The following ARHGEF28 variants were observed in gnomAD, a reference collection of about 807,000 sequenced individuals.
ARHGEF28 encodes the protein 190 kDa guanine nucleotide exchange factor.
Under a neutral mutation model 206.6 loss-of-function variants are expected in ARHGEF28, and 152 were observed. The ratio of observed to expected loss-of-function variants is 0.74; its 90% CI spans 0.64 to 0.84. The LOEUF (loss-of-function observed/expected upper bound fraction) is 0.84, where lower values mean the gene tolerates loss of function less well. Among genes scored for constraint, ARHGEF28 ranks in the 40% least tolerant of loss-of-function variants. The probability of loss-of-function intolerance (pLI) is 0.00; values close to 1 mark genes in which losing one functional copy is unlikely to be tolerated. For synonymous variants in ARHGEF28, 763 were observed against 776.4 expected, an observed-to-expected ratio of 0.98 and a Z score of 0.29; for missense variants, 2,028 against 2,073.2, an observed-to-expected ratio of 0.98 and a Z score of 0.42.
At chr5:73,802,895 TG>T (rs1755226899) in intron 9 of ARHGEF28, among the ~76,000 whole-genome samples, 2 of 150,946 alleles carry the variant, frequency 1.3e-5, no homozygotes, top group Admixed American at 1.3e-4. Flanking sequence ...TGTGTGTGTG[TG>T]TGTGTGTGTG....
intron 2 of ARHGEF28, among the ~76,000 whole-genome samples, chr5:73,697,861 C>T (rs1748322741): frequency 6.6e-6 from 1 of 152,142 alleles, no homozygotes; most frequent in African/African-American, 2.4e-5. Flanking sequence ...CATCGTTTGG[C>T]AGTGGAGATG....
chr5:73,715,945 G>C (rs997435833), intron 2 of ARHGEF28, among the ~76,000 whole-genome samples: 3 of 152,196 alleles, frequency 2.0e-5, no homozygotes, highest in African/African-American at 7.2e-5. Flanking sequence ...ACTTACACGG[G>C]TATCAGCTAC....
In ARHGEF28 at chr5:73,868,083, C is replaced by T. The variant is rs1759827097; in HGVS notation, c.2298-17C>T. The stretch of plus-strand genomic sequence containing the variant: ...AGAGCTTCTGGGGCTAACTTTGCTC[C>T]CCTCCCTCTCTCCTAGCTTCAGGAG... On this transcript the variant is annotated splice_polypyrimidine_tract_variant and intron_variant, in intron 19 of 35. Transcript: ENST00000513042. The T allele has an allele frequency of 6.2e-7, 1 of 1,612,640 alleles. No individual in the cohort carries two copies. Among genetic ancestry groups the T allele is most frequent in the South Asian group, 1.1e-5 (1 of 90,798 alleles).
intron 27 of ARHGEF28, among the ~76,000 whole-genome samples, chr5:73,892,497 C>A (rs930804227): frequency 2.0e-5 from 3 of 152,192 alleles, no homozygotes; most frequent in African/African-American, 7.2e-5. Flanking sequence ...CCCCTTCAGT[C>A]CTGGTGATCT....
At chr5:73,776,136 A>G (rs1753527167) in intron 5 of ARHGEF28, among the ~76,000 whole-genome samples, 2 of 152,278 alleles carry the variant, frequency 1.3e-5, no homozygotes, top group African/African-American at 2.4e-5. Flanking sequence ...CACCTAATAA[A>G]CCACTGGCTG....
chr5:73,934,969 C>T (rs2112043286), intron 35 of ARHGEF28, among the ~76,000 whole-genome samples: 1 of 152,330 alleles, frequency 6.6e-6, no homozygotes, highest in African/African-American at 2.4e-5. Context: ...CCATGGCTCC[C>T]TAACAGTGGC....
intron 2 of ARHGEF28, among the ~76,000 whole-genome samples, chr5:73,724,417 T>G (rs1364601003): frequency 6.6e-6 from 1 of 152,364 alleles, no homozygotes. Flanking sequence ...AGATACTATA[T>G]GCAGTGTGAA....
chr5:73,776,520 C>T lies in ARHGEF28; in HGVS notation c.664C>T (p.Gln222Ter), dbSNP rs1428259398. ...TTTTGATTTGTGTTGTTTCAGTTTT[C>T]AGGGCAGATGGTCCCCAAGCTTCTC... ...SKLVEDVTNFQGRWSPSFSRV... is the reference protein window; with the variant it reads ...SKLVEDVTNF Residue 222 changes from glutamine (Q) to a stop codon, truncating the protein, a stop_gained, in exon 6 of 36, where the codon CAG (glutamine) becomes TAG (stop). Coordinates refer to ENST00000513042, the MANE Select transcript of ARHGEF28 (RefSeq NM_001177693.2). LOFTEE classifies it high-confidence loss of function. 2 of 1,609,120 alleles carry T rather than the reference C, an allele frequency of 1.2e-6. No homozygotes were observed. The highest frequency in any genetic ancestry group is 2.2e-5 in the East Asian group (1 of 44,834).
chr5:73,901,467 CT>C, intron 31 of ARHGEF28, 183 bp downstream of exon 31: 1 of 478,462 alleles, frequency 2.1e-6, no homozygotes, highest in Non-Finnish European at 3.8e-6. Context: ...CTTGCACTGC[CT>C]GTGTCATGTA....
At chr5:73,836,864 A>AT (rs551078256) in intron 10 of ARHGEF28, among the ~76,000 whole-genome samples, 7 of 151,528 alleles carry the variant, frequency 4.6e-5, no homozygotes, top group African/African-American at 7.3e-5. Context: ...ATCCAGTTTC[A>AT]TTTTTTTTGC....
intron 12 of ARHGEF28, 87 bp downstream of exon 12, chr5:73,846,562 AT>A (rs780868937): frequency 4.5e-5 from 57 of 1,274,186 alleles, no homozygotes; most frequent in Non-Finnish European, 5.9e-5. Flanking sequence ...AAGACATATT[AT>A]ATTTTATTCA....
At chr5:73,779,303 T>G (rs1338073565) in intron 6 of ARHGEF28, among the ~76,000 whole-genome samples, 2 of 152,210 alleles carry the variant, frequency 1.3e-5, no homozygotes, top group Non-Finnish European at 2.9e-5. Flanking sequence ...TTTAGTTATT[T>G]CCTCATAACA....
At position 73,842,502 on chromosome 5, in the gene ARHGEF28, A is replaced by G. The variant is rs563108887; in HGVS notation, c.1427+1742A>G. 2.9e-4 allele frequency among the ~76,000 whole-genome samples: 44 copies of G among 152,316 alleles called. No homozygotes were observed. The East Asian group carries it at 2.9e-3, about 10-fold the overall frequency. On this transcript the variant is annotated intron_variant, in intron 11 of 35. Transcript: ENST00000513042. ...AATAAAAGACTTGCTTTAGATTTAT[A>G]CTTTGTGAATTATGGTTTTGTAGAT...
At chr5:73,919,285 A>C (rs1448116773) in intron 35 of ARHGEF28, among the ~76,000 whole-genome samples, 3 of 152,146 alleles carry the variant, frequency 2.0e-5, no homozygotes, top group Non-Finnish European at 4.4e-5. Flanking sequence ...AAATTGGGAA[A>C]TTTTTCACTC....
intron 4 of ARHGEF28, among the ~76,000 whole-genome samples, chr5:73,763,346 A>G (rs1752713215): frequency 6.6e-6 from 1 of 152,112 alleles, no homozygotes; most frequent in Admixed American, 6.6e-5. Flanking sequence ...TATTTCTAAT[A>G]TTTCTCAATC....
chr5:73,693,647 A>G (rs6868499), intron 2 of ARHGEF28, among the ~76,000 whole-genome samples: 18,411 of 152,168 alleles, frequency 0.12, 2,228 homozygotes, highest in African/African-American at 0.31. Flanking sequence ...CTTTGTGCAA[A>G]TTTGTTTTTA....
At chr5:73,629,330 T>A (rs935142893) in intron 1 of ARHGEF28, among the ~76,000 whole-genome samples, 7 of 151,720 alleles carry the variant, frequency 4.6e-5, no homozygotes, top group Non-Finnish European at 8.8e-5. Flanking sequence ...AAACCCTGTC[T>A]CTACAAAAAA....
chr5:73,762,167 A>G (rs1561385937), intron 4 of ARHGEF28, among the ~76,000 whole-genome samples: 1 of 151,866 alleles, frequency 6.6e-6, no homozygotes, highest in Non-Finnish European at 1.5e-5. Context: ...AAAAAAATCT[A>G]TTTTGAGGCT....
At chr5:73,728,363 A>G (rs1352335869) in intron 2 of ARHGEF28, among the ~76,000 whole-genome samples, 1 of 152,196 alleles carries the variant, frequency 6.6e-6, no homozygotes, top group Non-Finnish European at 1.5e-5. Context: ...TTGTGCCCCT[A>G]CAGACCTTCA....
Sources: gnomAD v4.1 joint callset for allele counts (sites outside exome capture counted in the v4.1 genomes callset) on GRCh38, gnomAD v4.1.1 for gene constraint, MANE v1.5 for transcripts, NCBI Gene and HGNC (gene_info 2026-07-23, HGNC 2026-07-21) for gene names.